The following SLC22A16 variants were observed in gnomAD, a reference collection of about 807,000 sequenced individuals.
The protein encoded by SLC22A16 is solute carrier family 22 member 16, also known as WUGSC:RG331P03.1.
A neutral mutation model predicts 52.9 loss-of-function variants in SLC22A16; 53 were observed. The observed-to-expected ratio is 1.00, with a 90% confidence interval of 0.80 to 1.26. SLC22A16 has a LOEUF of 1.26. Among genes scored for constraint, SLC22A16 ranks in the 50% most tolerant of loss-of-function variants. SLC22A16 has a pLI of 0.00. For missense variants in SLC22A16, 726 were observed against 704.0 expected, an observed-to-expected ratio of 1.03 and a Z score of -0.35; for synonymous variants, 291 against 268.8, an observed-to-expected ratio of 1.08 and a Z score of -0.81.
chr6:110,471,547 G>A (rs1227753825), intron 1 of SLC22A16, among the ~76,000 whole-genome samples: 2 of 152,242 alleles, frequency 1.3e-5, no homozygotes, highest in Non-Finnish European at 2.9e-5. Flanking sequence ...ATGTAGCTGT[G>A]AAAATCGACT....
chr6:110,430,187 TGTGAGGATTTG>T, intron 7 of SLC22A16, among the ~76,000 whole-genome samples: 1 of 151,464 alleles, frequency 6.6e-6, no homozygotes, highest in East Asian at 2.0e-4. Context: ...TGAAGGAGAA[TGTGAGGATTTG>T]GTGATGAAAG....
At chr6:110,452,756 T>G (rs1775434489) in intron 2 of SLC22A16, among the ~76,000 whole-genome samples, 1 of 152,238 alleles carries the variant, frequency 6.6e-6, no homozygotes. Context: ...TGTAGAAACC[T>G]TTTATCAGGT....
At chr6:110,463,264 C>T (rs1329286863) in intron 1 of SLC22A16, among the ~76,000 whole-genome samples, 2 of 151,912 alleles carry the variant, frequency 1.3e-5, no homozygotes, top group Non-Finnish European at 2.9e-5. Flanking sequence ...GGAACAAAAC[C>T]TCACATATCA....
rs761066552 is a variant in SLC22A16 at position 110,456,984 on chromosome 6, G to A, written c.87C>T (p.Phe29=). The A allele has an allele frequency of 1.0e-5, 16 of 1,560,908 alleles. No homozygotes were observed. The South Asian group carries it at 1.8e-4, about 18-fold the overall frequency. The change falls in exon 2 of 8, where the codon TTC becomes TTT. Residue 29 remains phenylalanine (F), a synonymous_variant. Transcript: ENST00000368919. ...AGTGAATACCACAAGAGATGTTCTG[G>A]AAGGCACATATGAAATAGAGGACTC... ...FQRVLYFICA[F]QNISCGIHYL...
At chr6:110,466,003 C>A (rs1186311290) in intron 1 of SLC22A16, among the ~76,000 whole-genome samples, 7 of 152,022 alleles carry the variant, frequency 4.6e-5, no homozygotes, top group African/African-American at 1.4e-4. Context: ...ACCAACTGAT[C>A]GTCAACAAAA....
intron 2 of SLC22A16, among the ~76,000 whole-genome samples, chr6:110,454,593 AT>A (rs1419135448): frequency 4.0e-5 from 4 of 99,926 alleles, no homozygotes; most frequent in Non-Finnish European, 5.5e-5. Context: ...TATAATATAT[AT>A]TTATATATAT....
chr6:110,427,268 A>AAGAAT (rs1774301014), intron 7 of SLC22A16, among the ~76,000 whole-genome samples: 1 of 150,274 alleles, frequency 6.7e-6, no homozygotes, highest in Non-Finnish European at 1.5e-5. Context: ...AAAAAAAGAA[A>AAGAAT]AAAAAGAAAG....
rs774419253 is a variant in SLC22A16 at position 110,456,956 on chromosome 6, A to G, written c.115T>C (p.Leu39=). Residue 39 remains leucine (L), a synonymous_variant, in exon 2 of 8, where the codon TTG becomes CTG. Transcript: ENST00000368919. ...FQNISCGIHY[L]ASVFMGVTPH... is the part of the protein sequence containing the mutation. ...GTGACTCCCATGAACACAGAAGCCA[A>G]GTAGTGAATACCACAAGAGATGTTC... 4 of 1,600,158 alleles carry G rather than the reference A, an allele frequency of 2.5e-6. No individual in the cohort carries two copies. The Admixed American group carries it at 6.9e-5, about 28-fold the overall frequency.
rs13213908 is a variant in SLC22A16 at position 110,427,888 on chromosome 6, G to A, written c.1522-2803C>T. 8.7e-3 allele frequency among the ~76,000 whole-genome samples: 1,319 copies of A among 152,220 alleles called. 12 individuals carry two copies. Among genetic ancestry groups the A allele is most frequent in the Middle Eastern group, 0.024 (7 of 294 alleles). Reference sequence around the variant, plus strand: ...TCCCCACTCCAGCCCTTCTCTTCGGGACTGGTGGTGATTTGCTCTCCTGCC... The same window carrying A: ...TCCCCACTCCAGCCCTTCTCTTCGGAACTGGTGGTGATTTGCTCTCCTGCC... On this transcript the variant is annotated intron_variant, in intron 7 of 7. Coordinates refer to ENST00000368919, the MANE Select transcript of SLC22A16 (RefSeq NM_033125.4).
intron 1 of SLC22A16, chr6:110,474,787 C>T (rs1304526114): frequency 2.5e-6 from 1 of 396,942 alleles, no homozygotes; most frequent in Non-Finnish European, 5.0e-6. Context: ...TGGCACAGAT[C>T]CTGCTGTGGG....
At chr6:110,443,406 G>C (rs1265956382) in intron 3 of SLC22A16, among the ~76,000 whole-genome samples, 3 of 152,072 alleles carry the variant, frequency 2.0e-5, no homozygotes, top group Admixed American at 2.0e-4. Context: ...TCAAAAATGG[G>C]CAAAGGCTTT....
At chr6:110,464,160 G>A (rs2115013206) in intron 1 of SLC22A16, among the ~76,000 whole-genome samples, 1 of 152,114 alleles carries the variant, frequency 6.6e-6, no homozygotes, top group South Asian at 2.1e-4. Flanking sequence ...TAAGAGGAAA[G>A]CTTATAGCAT....
intron 4 of SLC22A16, among the ~76,000 whole-genome samples, chr6:110,440,536 G>A (rs577942876): frequency 6.6e-6 from 1 of 152,346 alleles, no homozygotes; most frequent in South Asian, 2.1e-4. Flanking sequence ...CCAGCACTCT[G>A]GGAGGCCAAG....
chr6:110,448,612 T>A (rs1056231010), intron 2 of SLC22A16, among the ~76,000 whole-genome samples: 12 of 152,196 alleles, frequency 7.9e-5, no homozygotes, highest in Admixed American at 2.0e-4. Flanking sequence ...TATATATGAA[T>A]GTTCCCCAAT....
chr6:110,431,440 A>G (rs1048166113), intron 6 of SLC22A16, among the ~76,000 whole-genome samples, 170 bp from the exon 7 acceptor site: 3 of 152,206 alleles, frequency 2.0e-5, no homozygotes, highest in Non-Finnish European at 2.9e-5. Flanking sequence ...TTATAATAGC[A>G]CATTTTTACT....
chr6:110,469,384 C>G (rs911532582), intron 1 of SLC22A16, among the ~76,000 whole-genome samples: 4 of 152,128 alleles, frequency 2.6e-5, no homozygotes, highest in Non-Finnish European at 5.9e-5. Context: ...AACTCCATCT[C>G]TACTATAAAT....
intron 1 of SLC22A16, among the ~76,000 whole-genome samples, chr6:110,474,006 A>T (rs1021155249): frequency 1.3e-5 from 2 of 152,150 alleles, no homozygotes; most frequent in Non-Finnish European, 2.9e-5. Flanking sequence ...GCGGCCAGCG[A>T]GCATTACTTC....
At chr6:110,475,640 G>A (rs1471136429) in intron 1 of SLC22A16, among the ~76,000 whole-genome samples, 1 of 152,084 alleles carries the variant, frequency 6.6e-6, no homozygotes, top group Non-Finnish European at 1.5e-5. Context: ...GACACACAAA[G>A]TATCTCCAGA....
At chr6:110,475,596 C>T (rs1331150395) in intron 1 of SLC22A16, among the ~76,000 whole-genome samples, 2 of 152,186 alleles carry the variant, frequency 1.3e-5, no homozygotes, top group Non-Finnish European at 2.9e-5. Context: ...CATCTCTTTG[C>T]TAAGCCTGAT....
Sources: gnomAD v4.1 joint callset for allele counts (sites outside exome capture counted in the v4.1 genomes callset) on GRCh38, gnomAD v4.1.1 for gene constraint, MANE v1.5 for transcripts, NCBI Gene and HGNC (gene_info 2026-07-23, HGNC 2026-07-21) for gene names.